HMGA2: variants seen among roughly 807,000 people sequenced by gnomAD.
HMGA2 encodes the protein high mobility group AT-hook 2, also known as high mobility group protein HMGI-C.
Under a neutral mutation model 19.1 loss-of-function variants are expected in HMGA2, and 8 were observed. That is an observed-to-expected ratio of 0.42 (90% CI 0.25 to 0.76). The LOEUF (loss-of-function observed/expected upper bound fraction) is 0.76, where lower values mean the gene tolerates loss of function less well. Ranked by LOEUF, HMGA2 falls within the 30% of genes least tolerant of loss-of-function variation. The pLI is 0.28. For missense variants in HMGA2, 109 were observed against 136.3 expected, an observed-to-expected ratio of 0.80 and a Z score of 1.00; for synonymous variants, 60 against 48.8, an observed-to-expected ratio of 1.23 and a Z score of -0.96.
At chr12:65,866,190 G>A (rs987166820) in intron 3 of HMGA2, among the ~76,000 whole-genome samples, 3 of 152,184 alleles carry the variant, frequency 2.0e-5, no homozygotes, top group Non-Finnish European at 4.4e-5. Context: ...GCTAATGCTA[G>A]GCACTGTGCT....
intron 3 of HMGA2, among the ~76,000 whole-genome samples, chr12:65,894,470 G>A (rs1336799766): frequency 6.6e-6 from 1 of 152,080 alleles, no homozygotes; most frequent in Non-Finnish European, 1.5e-5. Flanking sequence ...ATTTTGTTTT[G>A]CGCTTAAATT....
rs1267144569 is a variant in HMGA2 at position 65,964,506 on chromosome 12, G to T, written c.*1214G>T. On this transcript the variant is annotated 3_prime_UTR_variant, in exon 5 of 5. Coordinates refer to ENST00000403681, the MANE Select transcript of HMGA2 (RefSeq NM_003483.6). ...AGTTCACCATCTCTTCATTCAAACT[G>T]CACTTTTAGCCAGAGATGCAATATA... The T allele has an allele frequency of 9.2e-6, 2 of 218,546 alleles. No individual in the cohort carries two copies. Among genetic ancestry groups the T allele is most frequent in the Non-Finnish European group, 1.8e-5 (2 of 108,602 alleles). 13.5% of individuals were successfully genotyped at this position (218,546 alleles called of 1,614,324 possible). A position where few individuals can be genotyped will look rare whatever the true frequency, so the allele number is the denominator to read the frequency against.
chr12:65,915,552 C>T, intron 3 of HMGA2: 4 of 1,114,940 alleles, frequency 3.6e-6, no homozygotes, highest in Non-Finnish European at 4.4e-6. Context: ...CTCTTCAGTG[C>T]CATGTAATAT....
In HMGA2 at chr12:65,825,665, G is replaced by T. The variant is rs1010027392; in HGVS notation, c.111+284G>T. Among the ~76,000 whole-genome samples the T allele has an allele frequency of 3.9e-5, 6 of 152,046 alleles. No individual in the cohort carries two copies. Among genetic ancestry groups the T allele is most frequent in the Admixed American group, 2.0e-4 (3 of 15,278 alleles). On this transcript the variant is annotated intron_variant, in intron 1 of 4. Transcript: ENST00000403681. This position sits in a 1 kb window ranked among gnomAD's most constrained non-coding sequence, Gnocchi z 4.4. ...TCCTCGGACTTTCGCTATTGTGCAC[G>T]GCCCCGAGTGGCGCGGTGTCGCCCA...
At chr12:65,943,628 T>A (rs1242471043) in intron 3 of HMGA2, among the ~76,000 whole-genome samples, 1 of 152,124 alleles carries the variant, frequency 6.6e-6, no homozygotes, top group Non-Finnish European at 1.5e-5. Flanking sequence ...TAAAGAACAC[T>A]TCCCCTCTTC....
chr12:65,943,191 T>G (rs1876148640), intron 3 of HMGA2, among the ~76,000 whole-genome samples: 1 of 152,258 alleles, frequency 6.6e-6, no homozygotes. Flanking sequence ...AGTTCCTGCC[T>G]GTCATATAGT....
intron 3 of HMGA2, among the ~76,000 whole-genome samples, chr12:65,941,075 G>A (rs1042101966): frequency 2.0e-5 from 3 of 152,194 alleles, no homozygotes; most frequent in Non-Finnish European, 2.9e-5. Context: ...ACAAAGATAA[G>A]CAGTTTTTAA....
At chr12:65,857,766 T>C (rs990495194) in intron 3 of HMGA2, 7 of 152,204 alleles carry the variant, frequency 4.6e-5, no homozygotes, top group Admixed American at 2.6e-4. Context: ...TATATGTGAT[T>C]CCAAACCTCC....
chr12:65,848,718 C>T (rs1208975215), intron 3 of HMGA2, among the ~76,000 whole-genome samples: 4 of 151,892 alleles, frequency 2.6e-5, no homozygotes, highest in East Asian at 1.9e-4. Context: ...TAGCCGGGCG[C>T]GGTGGCGGGC....
chr12:65,838,982 C>CTTTCTT (rs1253494811), intron 3 of HMGA2, among the ~76,000 whole-genome samples: 1 of 103,152 alleles, frequency 9.7e-6, no homozygotes, highest in South Asian at 3.7e-4. Flanking sequence ...TTTTCTTTTT[C>CTTTCTT]TTTCTTTTTC....
At chr12:65,956,063 TCACTCTAA>T (rs146963601) in intron 4 of HMGA2, 3,433 of 152,282 alleles carry the variant, frequency 0.023, 80 homozygotes, top group East Asian at 0.087. Flanking sequence ...GAAAGCATTC[TCACTCTAA>T]CACTCGTCTT....
At position 65,965,611 on chromosome 12, in the gene HMGA2, G is replaced by A. The variant is rs766591530; in HGVS notation, c.*2319G>A. On this transcript the variant is annotated 3_prime_UTR_variant, in exon 5 of 5. Coordinates refer to ENST00000403681, the MANE Select transcript of HMGA2 (RefSeq NM_003483.6). ...AACTCAACATTACTGTTAACTGTGC[G>A]TTAAATAAGCAAATAAACAGTGGCT... 5 of 216,802 alleles carry A rather than the reference G, an allele frequency of 2.3e-5. No individual in the cohort carries two copies. The highest frequency in any genetic ancestry group is 1.4e-4 in the East Asian group (2 of 14,684). The allele number at this position is 216,802 out of a possible 1,614,324, so 13.4% of individuals were successfully genotyped here.
At chr12:65,958,252 A>G (rs1876655782) in intron 4 of HMGA2, 1 of 152,214 alleles carries the variant, frequency 6.6e-6, no homozygotes, top group African/African-American at 2.4e-5. Context: ...ATGTTTTTAT[A>G]TACATAATGC....
chr12:65,825,224 G>A lies in HMGA2; in HGVS notation c.-47G>A, dbSNP rs1476172847. 6.8e-7 allele frequency: 1 copy of A among 1,479,314 alleles called. No homozygotes were observed. The highest frequency in any genetic ancestry group is 1.4e-5 in the African/African-American group (1 of 69,778). 91.6% of individuals were successfully genotyped at this position (1,479,314 alleles called of 1,614,324 possible). A position where few individuals can be genotyped will look rare whatever the true frequency, so the allele number is the denominator to read the frequency against. On this transcript the variant is annotated 5_prime_UTR_variant, in exon 1 of 5. Coordinates refer to ENST00000403681, the MANE Select transcript of HMGA2 (RefSeq NM_003483.6). The surrounding 1 kb of genome is among the most constrained non-coding windows in gnomAD (Gnocchi z 4.4). ...AAAGGTGCTGGGCAGCTCCGGGGCGGTCGAGGCGAAGCGGCTGCAGCGGCG... is the reference window on the plus strand; with the variant it reads ...AAAGGTGCTGGGCAGCTCCGGGGCGATCGAGGCGAAGCGGCTGCAGCGGCG...
At chr12:65,898,783 G>A (rs11175951) in intron 3 of HMGA2, among the ~76,000 whole-genome samples, 5 of 152,036 alleles carry the variant, frequency 3.3e-5, no homozygotes, top group Admixed American at 2.0e-4. Context: ...AGTGGCTCAC[G>A]CCTTTAATCC....
chr12:65,872,149 C>T (rs916837667), intron 3 of HMGA2, among the ~76,000 whole-genome samples: 5 of 152,184 alleles, frequency 3.3e-5, no homozygotes, highest in Admixed American at 3.3e-4. Context: ...CCTAGGGTCC[C>T]CCTACACAAA....
intron 3 of HMGA2, among the ~76,000 whole-genome samples, chr12:65,890,765 C>T (rs151092965): frequency 0.017 from 2,630 of 151,156 alleles, 72 homozygotes; most frequent in African/African-American, 0.061. Flanking sequence ...CACTCTGTCA[C>T]CCAGGCTGAA....
intron 3 of HMGA2, among the ~76,000 whole-genome samples, chr12:65,862,278 C>CAA (rs1872136211): frequency 6.9e-6 from 1 of 145,972 alleles, no homozygotes; most frequent in South Asian, 2.2e-4. Flanking sequence ...ATGCACCATA[C>CAA]ACACACACAC....
At chr12:65,851,549 C>G (rs1290358389) in intron 3 of HMGA2, 2 of 345,800 alleles carry the variant, frequency 5.8e-6, no homozygotes, top group East Asian at 2.1e-4. Context: ...AATTAGACAG[C>G]TGTGGTGGCG....
Sources: gnomAD v4.1 joint callset for allele counts (sites outside exome capture counted in the v4.1 genomes callset) on GRCh38, gnomAD v4.1.1 for gene constraint, Gnocchi (gnomAD v3.1) non-coding constraint, MANE v1.5 for transcripts, NCBI Gene and HGNC (gene_info 2026-07-23, HGNC 2026-07-21) for gene names.